The following LDB2 variants were observed in gnomAD, a reference collection of about 807,000 sequenced individuals.
LDB2 encodes LIM domain binding 2.
LDB2 carries 12 observed loss-of-function variants against 44.3 expected under a neutral mutation model. The observed-to-expected ratio is 0.27, with a 90% CI of 0.17 to 0.44. The LOEUF is 0.44. Ranked by LOEUF, LDB2 falls within the 20% of genes least tolerant of loss-of-function variation. The probability of loss-of-function intolerance (pLI) is 1.00; values close to 1 mark genes in which losing one functional copy is unlikely to be tolerated. For missense variants in LDB2, 344 were observed against 473.5 expected (o/e 0.73, Z 2.54); for synonymous variants, 164 against 174.8 (o/e 0.94, Z 0.49).
chr4:16,662,869 A>G (rs1486171760), intron 2 of LDB2, among the ~76,000 whole-genome samples: 1 of 152,000 alleles, frequency 6.6e-6, no homozygotes, highest in Non-Finnish European at 1.5e-5. Flanking sequence ...GGGCTTCTTC[A>G]TTGTAATATG....
At chr4:16,720,541 A>G (rs1313276409) in intron 2 of LDB2, among the ~76,000 whole-genome samples, 1 of 152,150 alleles carries the variant, frequency 6.6e-6, no homozygotes, top group African/African-American at 2.4e-5. Flanking sequence ...GAGTTCAAAC[A>G]CAAATCTCCA....
chr4:16,614,307 A>T (rs975916053), intron 2 of LDB2, among the ~76,000 whole-genome samples: 1 of 152,222 alleles, frequency 6.6e-6, no homozygotes, highest in Non-Finnish European at 1.5e-5. Flanking sequence ...ACCCAAAACC[A>T]TAAACACTCT....
At chr4:16,726,992 C>G (rs183227587) in intron 2 of LDB2, among the ~76,000 whole-genome samples, 1 of 152,132 alleles carries the variant, frequency 6.6e-6, no homozygotes, top group East Asian at 1.9e-4. Flanking sequence ...TAACATGGGT[C>G]GGTTTGCTTT....
intron 1 of LDB2, among the ~76,000 whole-genome samples, chr4:16,770,014 C>G (rs970056147): frequency 1.3e-5 from 2 of 152,142 alleles, no homozygotes; most frequent in African/African-American, 4.8e-5. Flanking sequence ...CAGCTTTGAT[C>G]CACAAAATCA....
At chr4:16,821,746 C>CAAAAAAAAAAAAAAAAAAAAAAAAAAA (rs562184189) in intron 1 of LDB2, among the ~76,000 whole-genome samples, 13 of 61,738 alleles carry the variant, frequency 2.1e-4, no homozygotes, top group Admixed American at 5.3e-4. Context: ...AACATTAAAG[C>CAAAAAAAAAAAAAAAAAAAAAAAAAAA]AAAAAAAAAA....
intron 5 of LDB2, among the ~76,000 whole-genome samples, chr4:16,555,436 T>C (rs1445404873): frequency 6.6e-6 from 1 of 150,632 alleles, no homozygotes; most frequent in African/African-American, 2.5e-5. Flanking sequence ...TTCCTGCACA[T>C]GTGTGTACAC....
At chr4:16,739,897 T>C (rs947636201) in intron 2 of LDB2, among the ~76,000 whole-genome samples, 3 of 150,740 alleles carry the variant, frequency 2.0e-5, no homozygotes, top group Non-Finnish European at 4.4e-5. Context: ...AAAATAAAGG[T>C]ACCAAGTATA....
intron 2 of LDB2, among the ~76,000 whole-genome samples, chr4:16,631,079 T>A (rs768964608): frequency 2.6e-5 from 4 of 152,112 alleles, no homozygotes; most frequent in African/African-American, 4.8e-5. Context: ...CTGGACCAAG[T>A]GGACATGATA....
chr4:16,573,477 A>T (rs1394604914), intron 5 of LDB2, among the ~76,000 whole-genome samples: 1 of 152,236 alleles, frequency 6.6e-6, no homozygotes, highest in African/African-American at 2.4e-5. Flanking sequence ...ATGCACTATC[A>T]GTCTACCTGA....
chr4:16,765,191 C>G (rs1009717208), intron 1 of LDB2, among the ~76,000 whole-genome samples: 4 of 152,158 alleles, frequency 2.6e-5, no homozygotes, highest in Admixed American at 2.6e-4. Context: ...TGCATCTAAG[C>G]TAAAAGAGAG....
chr4:16,551,712 C>T (rs1340377440), intron 5 of LDB2, among the ~76,000 whole-genome samples: 1 of 151,936 alleles, frequency 6.6e-6, no homozygotes, highest in Non-Finnish European at 1.5e-5. Context: ...GAGAGGAGTT[C>T]CACCATGTTG....
intron 2 of LDB2, among the ~76,000 whole-genome samples, chr4:16,692,338 T>C (rs749281397): frequency 3.9e-5 from 6 of 152,316 alleles, no homozygotes; most frequent in South Asian, 2.1e-4. Flanking sequence ...TAAGCATATC[T>C]GACGTCTTCT....
At chr4:16,704,685 C>T (rs56982585) in intron 2 of LDB2, among the ~76,000 whole-genome samples, 6,778 of 152,250 alleles carry the variant, frequency 0.045, 555 homozygotes, top group African/African-American at 0.16. Flanking sequence ...GACGTAGTCA[C>T]ATAAAAAAGC....
At chr4:16,817,052 A>G (rs1390898958) in intron 1 of LDB2, among the ~76,000 whole-genome samples, 4 of 151,962 alleles carry the variant, frequency 2.6e-5, no homozygotes, top group Non-Finnish European at 1.5e-5. Context: ...TGTGGGGGGA[A>G]CAGGCCCTGT....
intron 1 of LDB2, among the ~76,000 whole-genome samples, chr4:16,848,243 A>T (rs1197102696): frequency 6.6e-6 from 1 of 152,248 alleles, no homozygotes; most frequent in Non-Finnish European, 1.5e-5. Flanking sequence ...CTTACTGTTC[A>T]TTCTAAATTA....
chr4:16,590,151 G>C (rs1718410372), intron 3 of LDB2, among the ~76,000 whole-genome samples: 1 of 152,092 alleles, frequency 6.6e-6, no homozygotes, highest in African/African-American at 2.4e-5. Context: ...GGCTCTGCTG[G>C]GAGGAGCTGG....
intron 2 of LDB2, among the ~76,000 whole-genome samples, chr4:16,735,224 C>G (rs576788250): frequency 6.6e-6 from 1 of 152,210 alleles, no homozygotes; most frequent in East Asian, 1.9e-4. Flanking sequence ...TGCCCGCAGT[C>G]CCCTGATATG....
At chr4:16,564,459 C>G (rs770697724) in intron 5 of LDB2, among the ~76,000 whole-genome samples, 9 of 152,200 alleles carry the variant, frequency 5.9e-5, no homozygotes, top group Non-Finnish European at 1.2e-4. Context: ...TCTTCCTGTC[C>G]GTATTCAGTG....
intron 2 of LDB2, among the ~76,000 whole-genome samples, chr4:16,620,626 T>C (rs1203741039): frequency 6.6e-6 from 1 of 152,190 alleles, no homozygotes; most frequent in East Asian, 1.9e-4. Flanking sequence ...AGAAGGGTGA[T>C]GAAATCTTAT....
Sources: gnomAD v4.1 joint callset for allele counts (sites outside exome capture counted in the v4.1 genomes callset) on GRCh38, gnomAD v4.1.1 for gene constraint, MANE v1.5 for transcripts, NCBI Gene and HGNC (gene_info 2026-07-23, HGNC 2026-07-21) for gene names.